ARHGEF17: variants seen among roughly 807,000 people sequenced by gnomAD.
ARHGEF17 encodes the protein 164 kDa Rho-specific guanine-nucleotide exchange factor.
In ARHGEF17, 80 loss-of-function variants were observed where a neutral mutation model predicts 174.0. The observed-to-expected ratio is 0.46, with a 90% CI of 0.38 to 0.55. The LOEUF is 0.55. ARHGEF17 is among the 20% of genes least tolerant of loss of function. ARHGEF17 has a pLI of 0.00. For synonymous variants in ARHGEF17, 1,311 were observed against 1,189.1 expected, an observed-to-expected ratio of 1.10 and a Z score of -2.11; for missense variants, 2,886 against 2,839.7, an observed-to-expected ratio of 1.02 and a Z score of -0.37.
rs1864744478 is a variant in ARHGEF17, at chr11:73,308,904, T to A, written c.266T>A (p.Phe89Tyr). The A allele has an allele frequency of 1.5e-6, 2 of 1,364,290 alleles. No homozygotes were observed. The highest frequency in any genetic ancestry group is 2.6e-4 in the Middle Eastern group (1 of 3,900). 84.5% of individuals were successfully genotyped at this position (1,364,290 alleles called of 1,614,324 possible). A position where few individuals can be genotyped will look rare whatever the true frequency, so the allele number is the denominator to read the frequency against. Residue 89 changes from phenylalanine (F) to tyrosine (Y), a missense_variant, in exon 1 of 21, where the codon TTC becomes TAC. Coordinates refer to ENST00000263674, the MANE Select transcript of ARHGEF17 (RefSeq NM_014786.4). ...TCGGTTCGCCAGCTCTCCCGGCGCT[T>A]CGACGCGCCGCGTCTGGACGACGGC... ...SPSVRQLSRR[F>Y]DAPRLDDGSA...
Position 73,360,521 on chromosome 11 carries a change from A to G in ARHGEF17, c.4408A>G (p.Lys1470Glu). 1 of 1,613,830 alleles carries G rather than the reference A, an allele frequency of 6.2e-7. No homozygotes were observed. The highest frequency in any genetic ancestry group is 8.5e-7 in the Non-Finnish European group (1 of 1,180,034). The change falls in exon 11 of 21, where the codon AAG (lysine) becomes GAG (glutamate). Residue 1470 changes from lysine (K) to glutamate (E), a missense_variant. Lys to Glu is a moderately conservative substitution (Grantham distance 56). This residue lies in a region of ARHGEF17 where 476 missense variants were observed against 473.1 expected (regional missense o/e 1.01). Coordinates refer to ENST00000263674, the MANE Select transcript of ARHGEF17 (RefSeq NM_014786.4). ...LGFEQAFDEA[K>E]RKLASSKSCL... is the part of the protein sequence containing the mutation. ...TTTTGAACAGGCCTTCGATGAGGCC[A>G]AGAGGAAGCTGGGTAAGCCAAGGCA...
intron 18 of ARHGEF17, 175 bp downstream of exon 18, chr11:73,364,775 G>C (rs1865808637): frequency 1.3e-6 from 1 of 758,004 alleles, no homozygotes; most frequent in Non-Finnish European, 2.0e-6. Context: ...CATTTCTTCT[G>C]TAGCTGATGA....
At chr11:73,330,066 C>T (rs1412431979) in intron 1 of ARHGEF17, among the ~76,000 whole-genome samples, 2 of 152,168 alleles carry the variant, frequency 1.3e-5, no homozygotes, top group African/African-American at 4.8e-5. Flanking sequence ...TATGGATTCC[C>T]GTTTCTGTGA....
chr11:73,340,807 C>G (rs558214978), intron 1 of ARHGEF17, among the ~76,000 whole-genome samples: 1 of 152,232 alleles, frequency 6.6e-6, no homozygotes, highest in Non-Finnish European at 1.5e-5. Context: ...ACAGGCCTGT[C>G]CATCCTCCCT....
intron 1 of ARHGEF17, among the ~76,000 whole-genome samples, chr11:73,322,415 A>T (rs1404194061): frequency 2.0e-5 from 3 of 152,206 alleles, no homozygotes; most frequent in Non-Finnish European, 4.4e-5. Flanking sequence ...CATCATTCAG[A>T]TGGGGAAGCT....
At chr11:73,356,610 C>A in intron 6 of ARHGEF17, 99 bp from the exon 7 acceptor site, 1 of 1,501,318 alleles carries the variant, frequency 6.7e-7, no homozygotes, top group Non-Finnish European at 9.2e-7. Flanking sequence ...CTTCCATTGG[C>A]CTAGCCCATG....
intron 2 of ARHGEF17, among the ~76,000 whole-genome samples, chr11:73,352,379 G>A (rs1002589642): frequency 9.2e-5 from 14 of 152,132 alleles, no homozygotes; most frequent in South Asian, 4.2e-4. Flanking sequence ...AATTTCTTCC[G>A]TTTGTGTGTT....
At chr11:73,362,808 G>T in intron 14 of ARHGEF17, 74 bp downstream of exon 14, 1 of 1,529,872 alleles carries the variant, frequency 6.5e-7, no homozygotes, top group South Asian at 1.2e-5. Flanking sequence ...GGAGAGGAGG[G>T]ACCAGTGTAG....
At chr11:73,366,138 TGTGC>T (rs1178898019) in intron 20 of ARHGEF17, among the ~76,000 whole-genome samples, 191 bp downstream of exon 20, 6 of 152,070 alleles carry the variant, frequency 3.9e-5, no homozygotes, top group African/African-American at 1.5e-4. Flanking sequence ...TGTGTGTGTG[TGTGC>T]GCACCTGCAT....
chr11:73,321,939 G>T (rs573301727), intron 1 of ARHGEF17, among the ~76,000 whole-genome samples: 62 of 152,310 alleles, frequency 4.1e-4, no homozygotes, highest in African/African-American at 1.4e-3. Flanking sequence ...CCCAGGGGGT[G>T]AGCAGGCCCT....
chr11:73,347,829 A>C (rs1371157419), intron 2 of ARHGEF17, among the ~76,000 whole-genome samples: 1 of 152,190 alleles, frequency 6.6e-6, no homozygotes, highest in Non-Finnish European at 1.5e-5. Context: ...GAGATCCGGC[A>C]AGGATAGAGG....
chr11:73,333,528 C>T (rs2134401893), intron 1 of ARHGEF17, among the ~76,000 whole-genome samples: 1 of 152,330 alleles, frequency 6.6e-6, no homozygotes, highest in Non-Finnish European at 1.5e-5. Flanking sequence ...GATAATTGAA[C>T]GGGCATGGTC....
chr11:73,324,513 C>T (rs905684061), intron 1 of ARHGEF17, among the ~76,000 whole-genome samples: 4 of 152,168 alleles, frequency 2.6e-5, no homozygotes, highest in African/African-American at 4.8e-5. Context: ...GGTGCCGTCC[C>T]GAGTCGGCAC....
Position 73,309,641 on chromosome 11 carries a change from G to A in ARHGEF17, c.1003G>A (p.Ala335Thr), listed in dbSNP as rs142656646. 7.3e-5 allele frequency: 117 copies of A among 1,613,100 alleles called. No homozygotes were observed. In the African/African-American group the frequency reaches 1.4e-3, roughly 19 times the overall value. ...GSPEPPTSPR[A>T]PREEGLREWG... Reference sequence around the variant, plus strand: ...CCCTGAGCCCCCAACATCTCCAAGAGCCCCTAGAGAAGAAGGACTCCGGGA... The same window carrying A: ...CCCTGAGCCCCCAACATCTCCAAGAACCCCTAGAGAAGAAGGACTCCGGGA... Residue 335 changes from alanine (A) to threonine (T), a missense_variant, in exon 1 of 21, where the codon GCC becomes ACC. Physicochemically the swap from Ala to Thr is moderately conservative, Grantham distance 58. Transcript: ENST00000263674.
intron 1 of ARHGEF17, among the ~76,000 whole-genome samples, chr11:73,346,406 T>A (rs569878152): frequency 1.3e-5 from 2 of 152,178 alleles, no homozygotes; most frequent in East Asian, 3.9e-4. Flanking sequence ...TGTAGCAGGG[T>A]GATGGTGTCT....
chr11:73,319,480 G>A (rs1864980972), intron 1 of ARHGEF17, among the ~76,000 whole-genome samples: 1 of 152,176 alleles, frequency 6.6e-6, no homozygotes, highest in Non-Finnish European at 1.5e-5. Flanking sequence ...CTGTTATTAT[G>A]TAAGGTGACA....
At chr11:73,324,232 G>A (rs554428118) in intron 1 of ARHGEF17, among the ~76,000 whole-genome samples, 63 of 152,304 alleles carry the variant, frequency 4.1e-4, no homozygotes, top group African/African-American at 1.4e-3. Flanking sequence ...AGATGTGGGT[G>A]GGAGCCCCCA....
intron 1 of ARHGEF17, among the ~76,000 whole-genome samples, chr11:73,339,112 C>A (rs961274263): frequency 5.9e-5 from 9 of 152,284 alleles, no homozygotes; most frequent in African/African-American, 2.2e-4. Context: ...GGCCTGCTGC[C>A]CCAGTACCGG....
At chr11:73,356,002 G>T in intron 5 of ARHGEF17, 49 bp downstream of exon 5, 1 of 1,609,506 alleles carries the variant, frequency 6.2e-7, no homozygotes, top group Non-Finnish European at 8.5e-7. Flanking sequence ...GAAGCATGGG[G>T]GGATACAAGG....
Sources: gnomAD v4.1 joint callset for allele counts (sites outside exome capture counted in the v4.1 genomes callset) on GRCh38, gnomAD v4.1.1 for gene constraint, gnomAD v4.1.1 regional missense constraint, MANE v1.5 for transcripts, NCBI Gene and HGNC (gene_info 2026-07-23, HGNC 2026-07-21) for gene names.